TOR3A: variants seen among roughly 807,000 people sequenced by gnomAD.
TOR3A encodes torsin-3A.
A neutral mutation model predicts 42.1 loss-of-function variants in TOR3A; 44 were observed. That is an observed-to-expected ratio of 1.04 (90% CI 0.82 to 1.34). The LOEUF (loss-of-function observed/expected upper bound fraction) is 1.34, where lower values mean the gene tolerates loss of function less well. TOR3A is among the 40% of genes most tolerant of loss of function. The probability of loss-of-function intolerance (pLI) is 0.00; values close to 1 mark genes in which losing one functional copy is unlikely to be tolerated. For missense variants in TOR3A, 521 were observed against 507.6 expected, an observed-to-expected ratio of 1.03 and a Z score of -0.25; for synonymous variants, 227 against 213.2, an observed-to-expected ratio of 1.06 and a Z score of -0.57.
intron 5 of TOR3A, 36 bp downstream of exon 5, chr1:179,094,253 C>T: frequency 1.3e-6 from 2 of 1,592,960 alleles, no homozygotes; most frequent in Non-Finnish European, 1.7e-6. Context: ...TGGTGAGAGC[C>T]ACAGCTGGTG....
chr1:179,093,839 C>T (rs770524612), intron 4 of TOR3A, among the ~76,000 whole-genome samples: 2 of 152,184 alleles, frequency 1.3e-5, no homozygotes, highest in Non-Finnish European at 1.5e-5. Flanking sequence ...TTTCATGCTC[C>T]CTGCACTTAG....
intron 5 of TOR3A, among the ~76,000 whole-genome samples, chr1:179,094,715 GA>G (rs1005291763): frequency 1.3e-5 from 2 of 151,692 alleles, no homozygotes; most frequent in Non-Finnish European, 1.5e-5. Context: ...CCCGTCTCTA[GA>G]AAAAAAACAA....
At position 179,094,973 on chromosome 1, in the gene TOR3A, G is replaced by A. The variant is rs566519575; in HGVS notation, c.949G>A (p.Gly317Ser). The change falls in exon 6 of 6, where the codon GGC becomes AGC. Residue 317 changes from glycine (G) to serine (S), a missense_variant. Transcript: ENST00000367627. ...AACTTTGGTCTTGCTTTCAGACAAT[G>A]GCTTTGGCCACAGCCGTCTTGTGAA... ...QAEIVETIDN[G>S]FGHSRLVKEN... is the part of the protein sequence containing the mutation. 1 of 1,614,142 alleles carries A rather than the reference G, an allele frequency of 6.2e-7. No individual in the cohort carries two copies. Among genetic ancestry groups the A allele is most frequent in the African/African-American group, 1.3e-5 (1 of 75,026 alleles).
rs144388428 is a variant in TOR3A at position 179,083,052 on chromosome 1, A to T, written c.372A>T (p.Thr124=). 4.6e-6 allele frequency: 7 copies of T among 1,520,134 alleles called. No individual in the cohort carries two copies. In the African/African-American group the frequency reaches 9.7e-5, roughly 21 times the overall value. The allele number at this position is 1,520,134 out of a possible 1,614,324, so 94.2% of individuals were successfully genotyped here. The part of the protein sequence containing the change: ...RGDCRISNNF[T]GLEWDLNVRL... The stretch of plus-strand genomic sequence containing the variant: ...ATTGCAGAATCTCCAACAACTTTAC[A>T]GGTTGGACCCCGCATGGCTTCAAGG... Residue 124 remains threonine, a splice_region_variant and synonymous_variant, in exon 2 of 6, where the codon ACA becomes ACT. Transcript: ENST00000367627.
At chr1:179,082,890 GT>G in intron 1 of TOR3A, 49 bp from the exon 2 acceptor site, 1 of 1,282,658 alleles carries the variant, frequency 7.8e-7, no homozygotes, top group Non-Finnish European at 1.1e-6. Flanking sequence ...CCGCATCACT[GT>G]AGAGCACCGG....
chr1:179,094,884 A>AC, intron 5 of TOR3A, 84 bp from the exon 6 acceptor site: 1 of 1,378,838 alleles, frequency 7.3e-7, no homozygotes, highest in Non-Finnish European at 1.0e-6. Flanking sequence ...TTTCAAAGAA[A>AC]CCAACAGCAA....
chr1:179,087,473 C>G (rs572857901), intron 3 of TOR3A, among the ~76,000 whole-genome samples: 19 of 152,322 alleles, frequency 1.2e-4, no homozygotes, highest in Admixed American at 8.5e-4. Context: ...GGGAATAGAC[C>G]CTGAGCTTAA....
At position 179,087,188 on chromosome 1, in the gene TOR3A, G is replaced by A. The variant is rs536961810; in HGVS notation, c.640-723G>A. Among the ~76,000 whole-genome samples the A allele has an allele frequency of 5.3e-5, 8 of 152,358 alleles. No homozygotes were observed. In the East Asian group the frequency reaches 7.7e-4, roughly 15 times the overall value. On this transcript the variant is annotated intron_variant, in intron 3 of 5. Coordinates refer to ENST00000367627, the MANE Select transcript of TOR3A (RefSeq NM_022371.4). ...GAATAATATATTCCCTGCCCATTTC[G>A]ATGAACATTGCAAAGAACCATCTTT...
At chr1:179,091,672 C>A (rs1034552195) in intron 4 of TOR3A, 2 of 152,456 alleles carry the variant, frequency 1.3e-5, no homozygotes, top group East Asian at 1.9e-4. Context: ...AAGCACCTTA[C>A]AGAATGGAGA....
In TOR3A at chr1:179,088,089, G is replaced by A. The variant is rs767785037; in HGVS notation, c.818G>A (p.Ser273Asn). The A allele has an allele frequency of 3.2e-6, 5 of 1,582,806 alleles. No homozygotes were observed. The highest frequency in any genetic ancestry group is 1.4e-5 in the African/African-American group (1 of 73,616). The change falls in exon 4 of 6, where the codon AGT becomes AAT. Residue 273 changes from serine to asparagine, a missense_variant and splice_region_variant. Physicochemically the swap from Ser to Asn is conservative, Grantham distance 46 (BLOSUM62 1). Coordinates refer to ENST00000367627, the MANE Select transcript of TOR3A (RefSeq NM_022371.4). ...ESPWTIFLFL[S>N]NLRGDIINEV... ...CCATGGACTATCTTTCTGTTTCTCA[G>A]GTGGGTTCTGGGGAACAATAGTCAG...
At chr1:179,083,203 G>C in intron 2 of TOR3A, 150 bp downstream of exon 2, 1 of 512,520 alleles carries the variant, frequency 2.0e-6, no homozygotes, top group Non-Finnish European at 3.4e-6. Flanking sequence ...TTTTGAGGGA[G>C]TACCAAATGC....
In TOR3A at chr1:179,082,337, T is replaced by G. The variant is rs1220906037; in HGVS notation, c.209T>G (p.Val70Gly). ...KRYWTLFSCQ[V>G]WPDDCDEDEE... is the part of the protein sequence containing the mutation. ...TACTGGACGCTCTTCAGCTGCCAGG[T>G]GTGGCCCGACGACTGTGACGAGGAC... The change falls in exon 1 of 6, where the codon GTG (valine) becomes GGG (glycine). Residue 70 changes from valine to glycine, a missense_variant. Val to Gly is a moderately radical substitution (Grantham distance 109, BLOSUM62 -3). Transcript: ENST00000367627. 6.2e-7 allele frequency: 1 copy of G among 1,605,536 alleles called. No individual in the cohort carries two copies. Among genetic ancestry groups the G allele is most frequent in the African/African-American group, 1.4e-5 (1 of 73,548 alleles).
At chr1:179,084,471 G>A (rs903413498) in intron 2 of TOR3A, among the ~76,000 whole-genome samples, 1 of 151,952 alleles carries the variant, frequency 6.6e-6, no homozygotes, top group Non-Finnish European at 1.5e-5. Flanking sequence ...TGATCCGCCC[G>A]CCTCAGCCTC....
chr1:179,093,025 A>G (rs2102546624), intron 4 of TOR3A, among the ~76,000 whole-genome samples: 1 of 152,268 alleles, frequency 6.6e-6, no homozygotes, highest in Non-Finnish European at 1.5e-5. Context: ...AAGCACGGGG[A>G]AGTGCAAGTG....
intron 3 of TOR3A, among the ~76,000 whole-genome samples, chr1:179,086,835 C>T (rs1305656641): frequency 6.6e-6 from 1 of 152,156 alleles, no homozygotes; most frequent in Non-Finnish European, 1.5e-5. Flanking sequence ...TGAAAACATA[C>T]CAGAAGAGCC....
At chr1:179,085,570 T>G (rs1557887037) in intron 2 of TOR3A, 58 bp from the exon 3 acceptor site, 5 of 1,584,986 alleles carry the variant, frequency 3.2e-6, no homozygotes, top group Non-Finnish European at 2.6e-6. Flanking sequence ...CTGTTGGCTG[T>G]TGTGGTGGAT....
Position 179,082,284 on chromosome 1 carries a change from C to T in TOR3A, c.156C>T (p.Leu52=). The change falls in exon 1 of 6, where the codon CTC becomes CTT. Residue 52 remains leucine, a synonymous_variant. Coordinates refer to ENST00000367627, the MANE Select transcript of TOR3A (RefSeq NM_022371.4). ...WPGFQRLQEQ[L]RAAGALSKRY... ...GCTTCCAGCGCCTGCAGGAGCAGCT[C>T]AGGGCGGCGGGTGCCCTCTCCAAGC... The T allele has an allele frequency of 6.3e-7, 1 of 1,580,054 alleles. No individual in the cohort carries two copies. The highest frequency in any genetic ancestry group is 1.4e-5 in the African/African-American group (1 of 71,614).
intron 3 of TOR3A, among the ~76,000 whole-genome samples, chr1:179,086,687 A>G (rs1037042030): frequency 2.0e-5 from 3 of 150,334 alleles, no homozygotes; most frequent in Admixed American, 2.0e-4. Flanking sequence ...AAAAAAAGAA[A>G]ACAGGCCTAT....
chr1:179,090,981 C>T (rs877763), intron 4 of TOR3A, among the ~76,000 whole-genome samples: 52,082 of 152,004 alleles, frequency 0.34, 9,499 homozygotes, highest in African/African-American at 0.47. Context: ...GCTCCAGCCC[C>T]CAGTGTCTGT....
Sources: allele counts gnomAD v4.1 joint callset (sites outside exome capture counted in the v4.1 genomes callset), GRCh38; gene constraint gnomAD v4.1.1; transcripts MANE v1.5; gene names NCBI Gene and HGNC (gene_info 2026-07-23, HGNC 2026-07-21).